FYN: variants seen among roughly 807,000 people sequenced by gnomAD.
FYN encodes tyrosine-protein kinase Fyn.
FYN carries 10 observed loss-of-function variants against 70.2 expected under a neutral mutation model. The ratio of observed to expected loss-of-function variants is 0.14; its 90% CI spans 0.09 to 0.24. The LOEUF (loss-of-function observed/expected upper bound fraction) is 0.24. FYN is among the 10% of genes least tolerant of loss of function. The pLI is 1.00. For missense variants in FYN, 319 were observed against 673.1 expected (o/e 0.47, Z 5.82); for synonymous variants, 236 against 248.6 (o/e 0.95, Z 0.48).
intron 12 of FYN, among the ~76,000 whole-genome samples, chr6:111,678,695 C>T (rs1482042161): frequency 6.6e-6 from 1 of 152,114 alleles, no homozygotes; most frequent in African/African-American, 2.4e-5. Flanking sequence ...ATTTATCTTC[C>T]CCACAATTTG....
At chr6:111,707,318 C>G (rs1425588532) in intron 6 of FYN, among the ~76,000 whole-genome samples, 1 of 152,178 alleles carries the variant, frequency 6.6e-6, no homozygotes, top group Non-Finnish European at 1.5e-5. Context: ...TACTGAACAC[C>G]TTCCTAAACT....
intron 8 of FYN, 122 bp downstream of exon 8, chr6:111,702,763 G>C (rs1583331077): frequency 2.1e-6 from 2 of 962,880 alleles, no homozygotes; most frequent in Non-Finnish European, 3.1e-6. Flanking sequence ...GGCTGGCAAA[G>C]AAAACATACT....
At position 111,719,867 on chromosome 6, in the gene FYN, G is replaced by C; in HGVS notation, c.185C>G (p.Thr62Ser). Reference sequence around the variant, plus strand: ...CGAAGAGTTCACACCTCCAAAGACGGTGAGTCCTTGGCCCCCGGCTGCGTG... The same window carrying C: ...CGAAGAGTTCACACCTCCAAAGACGCTGAGTCCTTGGCCCCCGGCTGCGTG... ...NFHAAGGQGL[T>S]VFGGVNSSSH... The change falls in exon 4 of 14, where the codon ACC (threonine) becomes AGC (serine). Residue 62 changes from threonine to serine, a missense_variant. This residue lies in a region of FYN where 128 missense variants were observed against 183.9 expected (regional missense o/e 0.70). Transcript: ENST00000354650. 2 of 1,614,148 alleles carry C rather than the reference G, an allele frequency of 1.2e-6. No individual in the cohort carries two copies. The highest frequency in any genetic ancestry group is 1.7e-6 in the Non-Finnish European group (2 of 1,180,006).
At chr6:111,823,718 C>A (rs1450344109) in intron 2 of FYN, among the ~76,000 whole-genome samples, 1 of 152,014 alleles carries the variant, frequency 6.6e-6, no homozygotes, top group Non-Finnish European at 1.5e-5. Flanking sequence ...GCTAACATAA[C>A]AGATCTCAGC....
intron 3 of FYN, among the ~76,000 whole-genome samples, chr6:111,754,024 C>T (rs1285526194): frequency 2.6e-5 from 4 of 152,206 alleles, no homozygotes; most frequent in Admixed American, 6.5e-5. Context: ...CTAGAAGCTA[C>T]ACTTACCCAT....
intron 2 of FYN, among the ~76,000 whole-genome samples, chr6:111,821,395 A>G (rs1159703160): frequency 6.6e-6 from 1 of 152,214 alleles, no homozygotes; most frequent in East Asian, 1.9e-4. Flanking sequence ...AGGATTCCCT[A>G]TTTAATAAAT....
rs192498407 is a variant in FYN, at chr6:111,862,930, T to C, written c.-123+10038A>G. 3.3e-4 allele frequency among the ~76,000 whole-genome samples: 50 copies of C among 152,326 alleles called. 1 individual carries two copies. Among genetic ancestry groups the C allele is most frequent in the Admixed American group, 2.8e-3 (43 of 15,306 alleles). Reference sequence around the variant, plus strand: ...AAGGAAAACAAAGGCCGGAGCCATATTGCCAATTAACGAGATGGTAATGGG... The same window carrying C: ...AAGGAAAACAAAGGCCGGAGCCATACTGCCAATTAACGAGATGGTAATGGG... On this transcript the variant is annotated intron_variant, in intron 1 of 13. Coordinates refer to ENST00000354650, the MANE Select transcript of FYN (RefSeq NM_002037.5).
chr6:111,722,138 C>A (rs1800981209), intron 3 of FYN, among the ~76,000 whole-genome samples: 1 of 152,162 alleles, frequency 6.6e-6, no homozygotes, highest in African/African-American at 2.4e-5. Context: ...TCAGACTGTT[C>A]TAAAGCTCTC....
intron 3 of FYN, among the ~76,000 whole-genome samples, chr6:111,724,827 C>G (rs1286207487): frequency 2.0e-5 from 3 of 152,150 alleles, no homozygotes; most frequent in East Asian, 3.9e-4. Context: ...CACATTTGGC[C>G]CGTACTTAGA....
intron 3 of FYN, among the ~76,000 whole-genome samples, chr6:111,737,523 G>A (rs185436937): frequency 1.3e-4 from 20 of 152,310 alleles, no homozygotes; most frequent in African/African-American, 4.6e-4. Flanking sequence ...TACACAGGGT[G>A]AGGTATGAAG....
intron 3 of FYN, among the ~76,000 whole-genome samples, chr6:111,757,621 T>C (rs1401553104): frequency 6.6e-6 from 1 of 152,196 alleles, no homozygotes; most frequent in African/African-American, 2.4e-5. Flanking sequence ...CAAAATGGCA[T>C]CCCACATCAG....
intron 12 of FYN, among the ~76,000 whole-genome samples, chr6:111,680,110 C>T (rs1038495788): frequency 6.6e-6 from 1 of 152,162 alleles, no homozygotes; most frequent in Non-Finnish European, 1.5e-5. Context: ...ATGCTTCAAG[C>T]AAGAGAAAGG....
At chr6:111,685,092 G>A (rs1798941183) in intron 12 of FYN, among the ~76,000 whole-genome samples, 1 of 152,198 alleles carries the variant, frequency 6.6e-6, no homozygotes, top group Non-Finnish European at 1.5e-5. Context: ...CTATGTTTGC[G>A]GACTTTCAAT....
intron 2 of FYN, among the ~76,000 whole-genome samples, chr6:111,792,359 A>G (rs750438769): frequency 3.9e-5 from 6 of 152,250 alleles, no homozygotes; most frequent in Non-Finnish European, 8.8e-5. Flanking sequence ...TGGTAAGGAT[A>G]CAGAGCAACT....
At chr6:111,865,124 T>C (rs1009374439) in intron 1 of FYN, among the ~76,000 whole-genome samples, 2 of 152,176 alleles carry the variant, frequency 1.3e-5, no homozygotes, top group African/African-American at 4.8e-5. Flanking sequence ...AAATAAGCAA[T>C]GAGCTAGGAC....
chr6:111,749,694 T>G (rs1467939668), intron 3 of FYN, among the ~76,000 whole-genome samples: 1 of 152,216 alleles, frequency 6.6e-6, no homozygotes, highest in East Asian at 1.9e-4. Context: ...GAGTTTCTCC[T>G]TTTTCTTTTC....
intron 2 of FYN, among the ~76,000 whole-genome samples, chr6:111,806,811 AG>A (rs779866187): frequency 3.3e-5 from 5 of 152,176 alleles, no homozygotes; most frequent in Non-Finnish European, 7.4e-5. Flanking sequence ...TGCCGAGACT[AG>A]GGTGGGAAAT....
At chr6:111,737,343 C>T (rs571692876) in intron 3 of FYN, among the ~76,000 whole-genome samples, 40 of 152,330 alleles carry the variant, frequency 2.6e-4, no homozygotes, top group African/African-American at 7.9e-4. Context: ...ACATGAGTCA[C>T]AGGCCCCAGG....
At chr6:111,686,904 G>A (rs1192664373) in intron 12 of FYN, among the ~76,000 whole-genome samples, 2 of 133,606 alleles carry the variant, frequency 1.5e-5, no homozygotes, top group African/African-American at 6.6e-5. Context: ...CCCAGTCGTT[G>A]TAATACAAAG....
Sources: gnomAD v4.1 joint callset for allele counts (sites outside exome capture counted in the v4.1 genomes callset) on GRCh38, gnomAD v4.1.1 for gene constraint, gnomAD v4.1.1 regional missense constraint, MANE v1.5 for transcripts, NCBI Gene and HGNC (gene_info 2026-07-23, HGNC 2026-07-21) for gene names.